The following DOCK3 variants were observed in gnomAD, a reference collection of about 807,000 sequenced individuals.
DOCK3 encodes the protein dedicator of cytokinesis 3, also known as dedicator of cytokinesis protein 3.
DOCK3 carries 60 observed loss-of-function variants against 265.6 expected under a neutral mutation model. The ratio of observed to expected loss-of-function variants is 0.23; its 90% CI spans 0.18 to 0.28. The LOEUF (loss-of-function observed/expected upper bound fraction) is 0.28, where lower values mean the gene tolerates loss of function less well. Among genes scored for constraint, DOCK3 ranks in the 10% least tolerant of loss-of-function variants. The pLI is 1.00. For missense variants in DOCK3, 1,981 were observed against 2,594.3 expected, an observed-to-expected ratio of 0.76 and a Z score of 5.14; for synonymous variants, 881 against 938.0, an observed-to-expected ratio of 0.94 and a Z score of 1.11.
intron 9 of DOCK3, among the ~76,000 whole-genome samples, chr3:51,118,880 A>G (rs1259339703): frequency 2.0e-5 from 3 of 151,860 alleles, no homozygotes; most frequent in East Asian, 1.9e-4. Flanking sequence ...TGCACATGAG[A>G]TGGGTCTTCT....
intron 27 of DOCK3, among the ~76,000 whole-genome samples, chr3:51,298,101 C>A (rs1297111168): frequency 1.3e-5 from 2 of 152,110 alleles, no homozygotes; most frequent in African/African-American, 4.8e-5. Flanking sequence ...TTTGTGAAAA[C>A]CTTTTTAATT....
At chr3:50,767,286 A>G (rs972171730) in intron 1 of DOCK3, among the ~76,000 whole-genome samples, 3 of 152,088 alleles carry the variant, frequency 2.0e-5, no homozygotes, top group Non-Finnish European at 1.5e-5. Flanking sequence ...ATCTTGAATT[A>G]ATTTTTGTAT....
chr3:50,714,509 C>G lies in DOCK3; in HGVS notation c.37+39209C>G, dbSNP rs575030028. On this transcript the variant is annotated intron_variant, in intron 1 of 52. Coordinates refer to ENST00000266037, the MANE Select transcript of DOCK3 (RefSeq NM_004947.5). ...TTATTTATTTATTTTTGGATAGGAT[C>G]TTGTTCTGTTACCCGAGGCTGGAGT... Among the ~76,000 whole-genome samples the G allele has an allele frequency of 4.3e-4, 66 of 152,228 alleles. 2 individuals are homozygous for G. The South Asian group carries it at 7.5e-3, about 17-fold the overall frequency.
chr3:50,821,554 C>T (rs940851678), intron 2 of DOCK3, among the ~76,000 whole-genome samples: 2 of 152,198 alleles, frequency 1.3e-5, no homozygotes, highest in Admixed American at 6.5e-5. Context: ...CCTGCCTCGG[C>T]CTCCCAAAGT....
rs547413884 is a variant in DOCK3 at position 51,354,035 on chromosome 3, G to GT, written c.4108-843dup. ...AAAAGTAAATGTGACATAACATAAA[G>GT]TTTTAAGAAGTCTGTACTTAGCATG... On this transcript the variant is annotated intron_variant, in intron 40 of 52. Coordinates refer to ENST00000266037, the MANE Select transcript of DOCK3 (RefSeq NM_004947.5). 4.6e-5 allele frequency among the ~76,000 whole-genome samples: 7 copies of GT among 152,172 alleles called. No homozygotes were observed. In the South Asian group the frequency reaches 1.4e-3, roughly 32 times the overall value.
intron 9 of DOCK3, among the ~76,000 whole-genome samples, chr3:51,095,549 C>T (rs1274936025): frequency 1.3e-5 from 2 of 152,094 alleles, no homozygotes; most frequent in Non-Finnish European, 2.9e-5. Flanking sequence ...CAGAATCTCC[C>T]AGTTTCTTAA....
chr3:50,917,845 G>C (rs899563973), intron 4 of DOCK3, among the ~76,000 whole-genome samples: 1 of 151,922 alleles, frequency 6.6e-6, no homozygotes, highest in Non-Finnish European at 1.5e-5. Flanking sequence ...GTGACATGTT[G>C]GTGTGCTGCA....
At chr3:51,299,992 A>G (rs1332122631) in intron 27 of DOCK3, among the ~76,000 whole-genome samples, 1 of 152,184 alleles carries the variant, frequency 6.6e-6, no homozygotes. Flanking sequence ...GAATCTATAA[A>G]TTACTTTGGG....
At chr3:50,841,294 A>C (rs1409780701) in intron 2 of DOCK3, among the ~76,000 whole-genome samples, 1 of 152,220 alleles carries the variant, frequency 6.6e-6, no homozygotes, top group Non-Finnish European at 1.5e-5. Flanking sequence ...GGGAGATTGA[A>C]TGAGACTGCG....
At chr3:51,120,755 G>A (rs1450705351) in intron 9 of DOCK3, among the ~76,000 whole-genome samples, 1 of 152,164 alleles carries the variant, frequency 6.6e-6, no homozygotes, top group Non-Finnish European at 1.5e-5. Context: ...TGGTGACTTG[G>A]TTTACACTGT....
chr3:50,757,474 G>A (rs2040235643), intron 1 of DOCK3, among the ~76,000 whole-genome samples: 1 of 151,992 alleles, frequency 6.6e-6, no homozygotes, highest in East Asian at 1.9e-4. Flanking sequence ...GCCTGGCTCA[G>A]ATTGTCTTTT....
At chr3:51,252,755 A>C (rs1188827911) in intron 22 of DOCK3, among the ~76,000 whole-genome samples, 5 of 152,108 alleles carry the variant, frequency 3.3e-5, no homozygotes, top group South Asian at 2.1e-4. Flanking sequence ...GCTTAAGTAG[A>C]TTTTGGGCTG....
At chr3:50,982,992 C>T (rs898097060) in intron 5 of DOCK3, among the ~76,000 whole-genome samples, 4 of 152,208 alleles carry the variant, frequency 2.6e-5, no homozygotes, top group South Asian at 2.1e-4. Context: ...TTTCTGCTCT[C>T]ACTGCCTGGC....
At chr3:50,902,073 T>G (rs955837884) in intron 4 of DOCK3, among the ~76,000 whole-genome samples, 3 of 152,186 alleles carry the variant, frequency 2.0e-5, no homozygotes, top group Non-Finnish European at 2.9e-5. Flanking sequence ...AGTGTGGTTG[T>G]TTGTTTTTTT....
intron 5 of DOCK3, among the ~76,000 whole-genome samples, chr3:51,055,147 T>A (rs1450984740): frequency 6.6e-6 from 1 of 152,176 alleles, no homozygotes; most frequent in East Asian, 1.9e-4. Context: ...TATTTCTGGA[T>A]CTTTTCCCCT....
intron 1 of DOCK3, among the ~76,000 whole-genome samples, chr3:50,701,007 G>A (rs2036000212): frequency 1.3e-5 from 2 of 152,032 alleles, no homozygotes. Context: ...TGAGATAATA[G>A]CTAGTGGTTT....
At chr3:51,355,058 G>A in intron 41 of DOCK3, 35 bp downstream of exon 41, 1 of 1,602,172 alleles carries the variant, frequency 6.2e-7, no homozygotes, top group African/African-American at 1.3e-5. Flanking sequence ...GAGGAGGGCA[G>A]GGGCCCTGGG....
Position 51,312,062 on chromosome 3 carries a change from A to G in DOCK3, c.3076A>G (p.Thr1026Ala). The change falls in exon 29 of 53, where the codon ACT becomes GCT. Residue 1026 changes from threonine to alanine, a missense_variant. Physicochemically the swap from Thr to Ala is moderately conservative, Grantham distance 58. Around this residue, in one of 4 missense-constraint regions of DOCK3, gnomAD observed 1,357 missense variants for 1,866.8 expected, o/e 0.73. Coordinates refer to ENST00000266037, the MANE Select transcript of DOCK3 (RefSeq NM_004947.5). ...TGCACTGCACAAGAATTTCACAGAGACTGACTTTGACTTTAAGGTAGGCAC... is the reference window on the plus strand; with the variant it reads ...TGCACTGCACAAGAATTTCACAGAGGCTGACTTTGACTTTAAGGTAGGCAC... ...SSALHKNFTE[T>A]DFDFKVWNSY... 6.2e-7 allele frequency: 1 copy of G among 1,604,044 alleles called. No homozygotes were observed. Among genetic ancestry groups the G allele is most frequent in the South Asian group, 1.1e-5 (1 of 88,938 alleles).
intron 2 of DOCK3, among the ~76,000 whole-genome samples, chr3:50,792,239 C>G (rs1219507575): frequency 1.3e-5 from 2 of 150,970 alleles, no homozygotes; most frequent in East Asian, 3.9e-4. Context: ...AGATTCTGTT[C>G]CGATTTGGCT....
Sources: gnomAD v4.1 joint callset for allele counts (sites outside exome capture counted in the v4.1 genomes callset) on GRCh38, gnomAD v4.1.1 for gene constraint, gnomAD v4.1.1 regional missense constraint, MANE v1.5 for transcripts, NCBI Gene and HGNC (gene_info 2026-07-23, HGNC 2026-07-21) for gene names.